The following SPOCK3 variants were observed in gnomAD, a reference collection of about 807,000 sequenced individuals.
The protein encoded by SPOCK3 is SPARC (osteonectin), cwcv and kazal like domains proteoglycan 3, also known as testican-3.
A neutral mutation model predicts 56.6 loss-of-function variants in SPOCK3; 30 were observed. That is an observed-to-expected ratio of 0.53 (90% CI 0.40 to 0.72). The LOEUF is 0.72. Ranked by LOEUF, SPOCK3 falls within the 30% of genes least tolerant of loss-of-function variation. The pLI is 0.00. For synonymous variants in SPOCK3, 196 were observed against 183.3 expected, an observed-to-expected ratio of 1.07 and a Z score of -0.56; for missense variants, 527 against 530.0, an observed-to-expected ratio of 0.99 and a Z score of 0.06.
chr4:166,741,096 T>C (rs759806607), intron 9 of SPOCK3, among the ~76,000 whole-genome samples: 31 of 152,090 alleles, frequency 2.0e-4, no homozygotes, highest in South Asian at 1.0e-3. Context: ...TCCAGAGACA[T>C]TAGAGTTATG....
intron 4 of SPOCK3, 80 bp downstream of exon 4, chr4:167,000,269 C>T: frequency 3.1e-6 from 2 of 635,108 alleles, no homozygotes; most frequent in Non-Finnish European, 2.7e-6. Flanking sequence ...TTAGCAGGCA[C>T]TGCCAAATAT....
At chr4:166,927,711 G>T (rs1426908860) in intron 4 of SPOCK3, among the ~76,000 whole-genome samples, 2 of 152,092 alleles carry the variant, frequency 1.3e-5, no homozygotes, top group Non-Finnish European at 2.9e-5. Flanking sequence ...ATCCATGAAA[G>T]AAAGAATTGA....
At chr4:166,749,511 T>C (rs1488551893) in intron 8 of SPOCK3, among the ~76,000 whole-genome samples, 1 of 151,732 alleles carries the variant, frequency 6.6e-6, no homozygotes, top group Non-Finnish European at 1.5e-5. Context: ...CGGGGAGGGA[T>C]AGCATTAGGA....
At chr4:166,840,405 T>A (rs1158150777) in intron 6 of SPOCK3, among the ~76,000 whole-genome samples, 1 of 152,204 alleles carries the variant, frequency 6.6e-6, no homozygotes, top group Non-Finnish European at 1.5e-5. Flanking sequence ...GAGCAATTAT[T>A]GTCTAAAGGT....
chr4:167,126,173 C>T (rs947522755), intron 2 of SPOCK3, among the ~76,000 whole-genome samples: 6 of 152,204 alleles, frequency 3.9e-5, no homozygotes, highest in Non-Finnish European at 5.9e-5. Context: ...CCTAACCCTA[C>T]ATCAAGCACA....
intron 6 of SPOCK3, among the ~76,000 whole-genome samples, chr4:166,830,662 A>G (rs1430687260): frequency 6.6e-6 from 1 of 152,098 alleles, no homozygotes; most frequent in Non-Finnish European, 1.5e-5. Flanking sequence ...TGAACCCTGG[A>G]GGTAGAGGTT....
chr4:167,194,987 G>A (rs1454806855), intron 2 of SPOCK3, among the ~76,000 whole-genome samples: 2 of 152,166 alleles, frequency 1.3e-5, no homozygotes, highest in Non-Finnish European at 2.9e-5. Context: ...ACTGAGTCAG[G>A]CCTGCTTCAG....
intron 2 of SPOCK3, among the ~76,000 whole-genome samples, chr4:167,086,943 A>G (rs1758258058): frequency 6.6e-6 from 1 of 152,148 alleles, no homozygotes; most frequent in Non-Finnish European, 1.5e-5. Context: ...AAGGTAGTTT[A>G]GGGACTTGAC....
chr4:166,902,987 G>T (rs1736218215), intron 5 of SPOCK3, among the ~76,000 whole-genome samples: 1 of 150,222 alleles, frequency 6.7e-6, no homozygotes, highest in African/African-American at 2.4e-5. Context: ...TACAAATCTT[G>T]TCTTGTTCTT....
chr4:167,109,704 A>T (rs1377466133), intron 2 of SPOCK3, among the ~76,000 whole-genome samples: 2 of 149,704 alleles, frequency 1.3e-5, no homozygotes, highest in Non-Finnish European at 3.0e-5. Flanking sequence ...ATATGCTAAG[A>T]ACCTAAAATT....
chr4:166,923,128 A>C (rs1738687101), intron 4 of SPOCK3, among the ~76,000 whole-genome samples: 1 of 152,132 alleles, frequency 6.6e-6, no homozygotes, highest in Non-Finnish European at 1.5e-5. Flanking sequence ...TGCTTCTTCC[A>C]GTTTCTGGTA....
At chr4:167,007,887 C>T (rs1042376327) in intron 3 of SPOCK3, among the ~76,000 whole-genome samples, 1 of 151,970 alleles carries the variant, frequency 6.6e-6, no homozygotes, top group Non-Finnish European at 1.5e-5. Flanking sequence ...TCTAATGATG[C>T]TAAGGTATTA....
At chr4:167,216,830 C>T (rs200885830) in intron 2 of SPOCK3, among the ~76,000 whole-genome samples, 55 of 152,076 alleles carry the variant, frequency 3.6e-4, no homozygotes, top group East Asian at 3.5e-3. Context: ...TGAGTTTCTG[C>T]GCCCCAAAAT....
At chr4:166,939,643 T>A (rs896479562) in intron 4 of SPOCK3, among the ~76,000 whole-genome samples, 1 of 152,230 alleles carries the variant, frequency 6.6e-6, no homozygotes, top group African/African-American at 2.4e-5. Flanking sequence ...AGGAAGAGGC[T>A]GTAGCACATA....
intron 4 of SPOCK3, among the ~76,000 whole-genome samples, chr4:166,951,548 T>C (rs1579772757): frequency 7.2e-6 from 1 of 138,966 alleles, no homozygotes; most frequent in Non-Finnish European, 1.5e-5. Flanking sequence ...TTCCAATCAA[T>C]AGAAAAAGAG....
chr4:166,776,495 A>G (rs1015084806), intron 7 of SPOCK3, among the ~76,000 whole-genome samples: 27 of 152,192 alleles, frequency 1.8e-4, no homozygotes, highest in African/African-American at 6.3e-4. Context: ...AGGACATTTT[A>G]AAATATGAAT....
intron 4 of SPOCK3, among the ~76,000 whole-genome samples, chr4:166,946,087 C>A (rs1186671736): frequency 6.6e-6 from 1 of 152,020 alleles, no homozygotes; most frequent in Non-Finnish European, 1.5e-5. Context: ...CTACGATAAC[C>A]ATAGGCCCTG....
intron 2 of SPOCK3, among the ~76,000 whole-genome samples, chr4:167,184,416 A>T (rs1731777606): frequency 6.6e-6 from 1 of 152,150 alleles, no homozygotes; most frequent in Admixed American, 6.5e-5. Flanking sequence ...TGTCGTATCC[A>T]GCAAAAAACT....
intron 6 of SPOCK3, among the ~76,000 whole-genome samples, chr4:166,839,736 C>G (rs1747033694): frequency 6.6e-6 from 1 of 152,172 alleles, no homozygotes; most frequent in South Asian, 2.1e-4. Flanking sequence ...TTACCTCCTG[C>G]CTGTGGGCTT....
Sources: gnomAD v4.1 joint callset for allele counts (sites outside exome capture counted in the v4.1 genomes callset) on GRCh38, gnomAD v4.1.1 for gene constraint, MANE v1.5 for transcripts, NCBI Gene and HGNC (gene_info 2026-07-23, HGNC 2026-07-21) for gene names.